The following MAP3K11 variants were observed in gnomAD, a reference collection of about 807,000 sequenced individuals.
MAP3K11 encodes mitogen-activated protein kinase kinase kinase 11, also known as SH3 domain-containing proline-rich kinase.
Under a neutral mutation model 84.9 loss-of-function variants are expected in MAP3K11, and 46 were observed. That is an observed-to-expected ratio of 0.54 (90% confidence interval 0.43 to 0.69). The LOEUF (loss-of-function observed/expected upper bound fraction) is 0.69. Among genes scored for constraint, MAP3K11 ranks in the 30% least tolerant of loss-of-function variants. MAP3K11 has a pLI of 0.00. For missense variants in MAP3K11, 1,053 were observed against 1,198.3 expected (o/e 0.88, Z 1.79); for synonymous variants, 527 against 514.7 (o/e 1.02, Z -0.32).
At chr11:65,600,626 G>C (rs1348450329) in intron 8 of MAP3K11, among the ~76,000 whole-genome samples, 2 of 152,166 alleles carry the variant, frequency 1.3e-5, no homozygotes, top group African/African-American at 4.8e-5. Context: ...AGACCACTTG[G>C]GCAGGGATGG....
At position 65,599,755 on chromosome 11, in the gene MAP3K11, C is replaced by G. The variant is rs1279906480; in HGVS notation, c.1845G>C (p.Arg615=). Residue 615 remains arginine, a synonymous_variant, in exon 9 of 10, where the codon CGG becomes CGC. Coordinates refer to ENST00000309100, the MANE Select transcript of MAP3K11 (RefSeq NM_002419.4). ...TPPALNGNPP[R]PSLEPEEPKR... is the part of the protein sequence containing the mutation. ...TGGGCTCCTCGGGCTCCAGGCTAGG[C>G]CGCGGGGGGTTACCTGCGGGCAGAG... 2 of 1,593,140 alleles carry G rather than the reference C, an allele frequency of 1.3e-6. No individual in the cohort carries two copies. The highest frequency in any genetic ancestry group is 1.7e-6 in the Non-Finnish European group (2 of 1,177,504).
At chr11:65,608,208 C>T (rs1299042378) in intron 2 of MAP3K11, 60 bp downstream of exon 2, 1 of 1,591,470 alleles carries the variant, frequency 6.3e-7, no homozygotes, top group Non-Finnish European at 8.6e-7. Flanking sequence ...TAGATTTAGG[C>T]AGCCACCTCT....
intron 1 of MAP3K11, chr11:65,609,693 T>C (rs76854022): frequency 0.036 from 5,551 of 152,462 alleles, 330 homozygotes; most frequent in African/African-American, 0.12. Flanking sequence ...TCTGGACCCA[T>C]GTCAGGGCAC....
At chr11:65,609,175 C>G (rs1334151736) in intron 1 of MAP3K11, 2 of 152,126 alleles carry the variant, frequency 1.3e-5, no homozygotes, top group African/African-American at 4.8e-5. Context: ...TGTGAGTCTC[C>G]TGTCATTTTG....
chr11:65,599,970 G>A (rs58593829), intron 8 of MAP3K11, among the ~76,000 whole-genome samples: 15,348 of 152,304 alleles, frequency 0.1, 1,067 homozygotes, highest in South Asian at 0.24. Flanking sequence ...GGAGGGCAGT[G>A]CAGGTGGAGG....
chr11:65,608,278 C>T lies in MAP3K11; in HGVS notation c.910G>A (p.Asp304Asn), dbSNP rs1304044736. The T allele has an allele frequency of 6.2e-7, 1 of 1,613,790 alleles. No homozygotes were observed. Among genetic ancestry groups the T allele is most frequent in the Non-Finnish European group, 8.5e-7 (1 of 1,179,784 alleles). ...IKASTFSKGS[D>N]VWSFGVLLWE... is the part of the protein sequence containing the mutation. ...CACCAAGGGCCGCACCTCCAGACGT[C>T]ACTGCCCTTAGAGAAGGTGGAGGCC... Residue 304 changes from aspartate (D) to asparagine (N), a missense_variant, in exon 2 of 10, where the codon GAC becomes AAC. Transcript: ENST00000309100.
intron 1 of MAP3K11, 74 bp from the exon 2 acceptor site, chr11:65,608,522 T>A: frequency 7.0e-7 from 1 of 1,423,614 alleles, no homozygotes; most frequent in Non-Finnish European, 9.8e-7. Flanking sequence ...GGGAGCAAAC[T>A]CATCTGACGG....
rs146745261 is a variant in MAP3K11 at position 65,599,560 on chromosome 11, C to T, written c.2040G>A (p.Thr680=). Residue 680 remains threonine (T), a synonymous_variant, in exon 9 of 10, where the codon ACG becomes ACA. Coordinates refer to ENST00000309100, the MANE Select transcript of MAP3K11 (RefSeq NM_002419.4). ...CGGTCGGGCAGGGCGCGGGCGTTGGCGTGGGGGGTGTTGTCGGGGACTCCC... is the reference window on the plus strand; with the variant it reads ...CGGTCGGGCAGGGCGCGGGCGTTGGTGTGGGGGGTGTTGTCGGGGACTCCC... ...ERGESPTTPP[T]PTPAPCPTEP... 8.4e-5 allele frequency: 126 copies of T among 1,496,014 alleles called. No homozygotes were observed. The highest frequency in any genetic ancestry group is 6.9e-4 in the Middle Eastern group (3 of 4,352). 92.7% of individuals were successfully genotyped at this position (1,496,014 alleles called of 1,614,324 possible).
Position 65,598,201 on chromosome 11 carries a change from G to A in MAP3K11, c.*90C>T. ...GGGTGGGGTCCCTGGGGAAACTGAG[G>A]CAGCTGCAGAGGCTGACCCAGCTCC... On this transcript the variant is annotated 3_prime_UTR_variant, in exon 10 of 10. Transcript: ENST00000309100. 2.7e-6 allele frequency: 3 copies of A among 1,130,844 alleles called. No homozygotes were observed. The highest frequency in any genetic ancestry group is 1.6e-5 in the African/African-American group (1 of 63,260). The allele number at this position is 1,130,844 out of a possible 1,614,324, so 70.1% of individuals were successfully genotyped here.
At chr11:65,612,883 G>C in intron 1 of MAP3K11, 135 bp downstream of exon 1, 1 of 1,030,988 alleles carries the variant, frequency 9.7e-7, no homozygotes, top group Non-Finnish European at 1.3e-6. Flanking sequence ...GAGCCCATGG[G>C]CACCCCTGGT....
Position 65,607,471 on chromosome 11 carries a change from C to G in MAP3K11, c.1288G>C (p.Glu430Gln). The change falls in exon 5 of 10, where the codon GAG becomes CAG. Residue 430 changes from glutamate to glutamine, a missense_variant. By Grantham distance (29) the Glu-to-Gln change is conservative. Transcript: ENST00000309100. ...REEELTRAAR[E>Q]QRSQAEQLRR... is the part of the protein sequence containing the mutation. Reference sequence around the variant, plus strand: ...AGCTGCTCCGCCTGTGACCGCTGCTCGCGCGCCGCTCGCGTCAGCTCCTCC... The same window carrying G: ...AGCTGCTCCGCCTGTGACCGCTGCTGGCGCGCCGCTCGCGTCAGCTCCTCC... 6.4e-7 allele frequency: 1 copy of G among 1,561,798 alleles called. No individual in the cohort carries two copies. Among genetic ancestry groups the G allele is most frequent in the Non-Finnish European group, 8.6e-7 (1 of 1,163,130 alleles).
intron 8 of MAP3K11, among the ~76,000 whole-genome samples, chr11:65,604,685 C>A (rs1854488210): frequency 6.7e-6 from 1 of 149,878 alleles, no homozygotes; most frequent in Admixed American, 6.6e-5. Context: ...GCTGTTGTTA[C>A]AACTATCAAG....
At chr11:65,612,859 T>C in intron 1 of MAP3K11, 159 bp downstream of exon 1, 1 of 739,842 alleles carries the variant, frequency 1.4e-6, no homozygotes, top group Non-Finnish European at 1.9e-6. Context: ...GGGGCTCTGT[T>C]TGGGGGCTAG....
intron 6 of MAP3K11, 104 bp downstream of exon 6, chr11:65,606,587 G>GGAGGAA (rs1329883340): frequency 1.3e-6 from 1 of 794,152 alleles, no homozygotes; most frequent in Non-Finnish European, 2.0e-6. Flanking sequence ...CTGGGGGCGG[G>GGAGGAA]GAGGAAGAGG....
chr11:65,606,264 T>G (rs561083640), intron 6 of MAP3K11, 183 bp from the exon 7 acceptor site: 2 of 590,924 alleles, frequency 3.4e-6, no homozygotes, highest in Non-Finnish European at 5.5e-6. Flanking sequence ...GGGCATCTCA[T>G]CTAGCCCTTG....
At chr11:65,607,890 C>G in intron 3 of MAP3K11, 32 bp downstream of exon 3, 1 of 1,610,106 alleles carries the variant, frequency 6.2e-7, no homozygotes, top group Non-Finnish European at 8.5e-7. Context: ...CCAGGGAGCT[C>G]TGTACCTCAC....
At chr11:65,605,554 G>A (rs1293249177) in intron 8 of MAP3K11, 1 of 513,922 alleles carries the variant, frequency 1.9e-6, no homozygotes. Context: ...GCCGAGGCCT[G>A]GGCTGTATGC....
intron 8 of MAP3K11, among the ~76,000 whole-genome samples, chr11:65,603,157 G>A (rs1362713950): frequency 6.6e-6 from 1 of 152,182 alleles, no homozygotes; most frequent in Non-Finnish European, 1.5e-5. Flanking sequence ...GGGTCCAGCA[G>A]ACAAAATGAG....
Position 65,613,252 on chromosome 11 carries a change from C to T in MAP3K11, c.505G>A (p.Ala169Thr), listed in dbSNP as rs774075066. The change falls in exon 1 of 10, where the codon GCC (alanine) becomes ACC (threonine). Residue 169 changes from alanine (A) to threonine (T), a missense_variant. Physicochemically the swap from Ala to Thr is moderately conservative, Grantham distance 58. This residue lies in a region of MAP3K11 where 310 missense variants were observed against 464.5 expected (regional missense o/e 0.67). Coordinates refer to ENST00000309100, the MANE Select transcript of MAP3K11 (RefSeq NM_002419.4). ...ATGATGTTGGGGTGTGCCAGCATGG[C>T]GAAGAGCCGGGCCTCCTGGCGAACG... ...ESVRQEARLF[A>T]MLAHPNIIAL... The T allele has an allele frequency of 7.5e-6, 12 of 1,607,690 alleles. No homozygotes were observed. The East Asian group carries it at 8.9e-5, about 12-fold the overall frequency.
Sources: allele counts gnomAD v4.1 joint callset (sites outside exome capture counted in the v4.1 genomes callset), GRCh38; gene constraint gnomAD v4.1.1; regional missense constraint gnomAD v4.1.1; transcripts MANE v1.5; gene names NCBI Gene and HGNC (gene_info 2026-07-23, HGNC 2026-07-21).